The following GABRB1 variants were observed in gnomAD, a reference collection of about 807,000 sequenced individuals.
GABRB1 encodes gamma-aminobutyric acid receptor subunit beta-1.
In GABRB1, 17 loss-of-function variants were observed where a neutral mutation model predicts 51.6. The ratio of observed to expected loss-of-function variants is 0.33; its 90% confidence interval spans 0.23 to 0.49. The LOEUF (loss-of-function observed/expected upper bound fraction) is 0.49, where lower values mean the gene tolerates loss of function less well. Ranked by LOEUF, GABRB1 falls within the 20% of genes least tolerant of loss-of-function variation. GABRB1 has a pLI of 0.99. For missense variants in GABRB1, 410 were observed against 600.6 expected (o/e 0.68, Z 3.32); for synonymous variants, 247 against 218.9 (o/e 1.13, Z -1.14).
intron 4 of GABRB1, among the ~76,000 whole-genome samples, chr4:47,293,415 A>G (rs1413125130): frequency 2.6e-5 from 4 of 152,188 alleles, no homozygotes; most frequent in African/African-American, 9.7e-5. Context: ...CTGGGATTAC[A>G]GGCATGAGCC....
intron 3 of GABRB1, among the ~76,000 whole-genome samples, chr4:47,137,236 A>C (rs1245544353): frequency 6.6e-6 from 1 of 152,138 alleles, no homozygotes; most frequent in African/African-American, 2.4e-5. Flanking sequence ...TCAGAGCTGC[A>C]GTAGAAGAAG....
At chr4:47,058,264 C>G (rs1413749800) in intron 3 of GABRB1, among the ~76,000 whole-genome samples, 1 of 152,152 alleles carries the variant, frequency 6.6e-6, no homozygotes, top group Non-Finnish European at 1.5e-5. Context: ...AATCACTGAC[C>G]TGTAGAAAGA....
At position 47,421,830 on chromosome 4, in the gene GABRB1, A is replaced by G. The variant is rs574144338; in HGVS notation, c.1081-3844A>G. Among the ~76,000 whole-genome samples the G allele has an allele frequency of 1.4e-4, 22 of 152,174 alleles. No individual in the cohort carries two copies. In the South Asian group the frequency reaches 3.8e-3, roughly 26 times the overall value. On this transcript the variant is annotated intron_variant, in intron 8 of 8. Coordinates refer to ENST00000295454, the MANE Select transcript of GABRB1 (RefSeq NM_000812.4). ...CCCTCCCAATATTATGCTTCACTCT[A>G]TATCTCTAAGGAGGTAATGATCTCT... is the stretch of plus-strand genomic sequence containing the variant.
chr4:47,254,369 T>G (rs1485226021), intron 4 of GABRB1, among the ~76,000 whole-genome samples: 3 of 118,744 alleles, frequency 2.5e-5, no homozygotes, highest in African/African-American at 6.7e-5. Context: ...TTGTTTTTTT[T>G]TTTTTTTTTT....
At position 47,184,332 on chromosome 4, in the gene GABRB1, C is replaced by T. The variant is rs919907336; in HGVS notation, c.461+22863C>T. 1.1e-4 allele frequency among the ~76,000 whole-genome samples: 16 copies of T among 152,032 alleles called. 1 individual carries two copies. The highest frequency in any genetic ancestry group is 7.2e-4 in the Admixed American group (11 of 15,226). On this transcript the variant is annotated intron_variant, in intron 4 of 8. Coordinates refer to ENST00000295454, the MANE Select transcript of GABRB1 (RefSeq NM_000812.4). ...ATTACCAGATTACCGAGGACAAAGGCTCTATTTGATACATTTCTCCATTCC... is the reference window on the plus strand; with the variant it reads ...ATTACCAGATTACCGAGGACAAAGGTTCTATTTGATACATTTCTCCATTCC...
intron 4 of GABRB1, among the ~76,000 whole-genome samples, chr4:47,317,043 A>T (rs1243309109): frequency 6.6e-6 from 1 of 151,970 alleles, no homozygotes; most frequent in African/African-American, 2.4e-5. Flanking sequence ...GAGGTCCCTT[A>T]TCAAATTTGT....
chr4:47,332,148 C>T (rs1412951671), intron 5 of GABRB1, among the ~76,000 whole-genome samples: 2 of 152,148 alleles, frequency 1.3e-5, no homozygotes, highest in Non-Finnish European at 2.9e-5. Context: ...GCCAGTTAAA[C>T]CAAATATTCA....
At chr4:47,061,150 T>C (rs6447528) in intron 3 of GABRB1, among the ~76,000 whole-genome samples, 82,185 of 152,014 alleles carry the variant, frequency 0.54, 22,607 homozygotes, top group African/African-American at 0.64. Context: ...TTCTCTTTGG[T>C]TTGGAAATCT....
intron 5 of GABRB1, among the ~76,000 whole-genome samples, chr4:47,361,990 C>A (rs1047276937): frequency 1.7e-3 from 252 of 152,094 alleles, no homozygotes; most frequent in Non-Finnish European, 3.2e-3. Context: ...GATAATTTGC[C>A]TAGTGAGAAA....
intron 4 of GABRB1, among the ~76,000 whole-genome samples, chr4:47,173,701 CTTCGTTTATTTGAGTT>C (rs1164358380): frequency 1.3e-5 from 2 of 152,116 alleles, no homozygotes; most frequent in Non-Finnish European, 2.9e-5. Flanking sequence ...CTCACTCATG[CTTCGTTTATTTGAGTT>C]TTCTACCTGT....
chr4:47,303,819 C>T (rs1724351060), intron 4 of GABRB1, among the ~76,000 whole-genome samples: 1 of 151,774 alleles, frequency 6.6e-6, no homozygotes, highest in South Asian at 2.1e-4. Flanking sequence ...TCTCTAATAC[C>T]CTTTCCCCAC....
chr4:47,278,579 G>A (rs1249826788), intron 4 of GABRB1, among the ~76,000 whole-genome samples: 1 of 150,722 alleles, frequency 6.6e-6, no homozygotes, highest in Non-Finnish European at 1.5e-5. Context: ...GAAGTAAACT[G>A]GGAATTGTTG....
chr4:47,277,657 T>G (rs1723139140), intron 4 of GABRB1, among the ~76,000 whole-genome samples: 1 of 151,886 alleles, frequency 6.6e-6, no homozygotes, highest in Non-Finnish European at 1.5e-5. Flanking sequence ...CAAAAAAAAT[T>G]TTTTAATAAA....
intron 3 of GABRB1, among the ~76,000 whole-genome samples, chr4:47,070,306 G>A (rs1436294932): frequency 1.3e-5 from 2 of 151,714 alleles, no homozygotes; most frequent in Non-Finnish European, 2.9e-5. Context: ...AAAGTGCTGG[G>A]ATTACAGGCG....
intron 8 of GABRB1, among the ~76,000 whole-genome samples, chr4:47,410,868 G>A (rs1259299986): frequency 1.3e-5 from 2 of 152,152 alleles, no homozygotes; most frequent in African/African-American, 4.8e-5. Flanking sequence ...TAAGTCACAA[G>A]AATAAGGGAT....
At chr4:47,192,883 T>C (rs1394718440) in intron 4 of GABRB1, among the ~76,000 whole-genome samples, 1 of 152,198 alleles carries the variant, frequency 6.6e-6, no homozygotes, top group Non-Finnish European at 1.5e-5. Context: ...ATAACAATAA[T>C]ATGTTTGTGA....
At chr4:47,255,128 G>A (rs1722149643) in intron 4 of GABRB1, among the ~76,000 whole-genome samples, 1 of 152,182 alleles carries the variant, frequency 6.6e-6, no homozygotes, top group Non-Finnish European at 1.5e-5. Context: ...TCTTTGAGGT[G>A]AGCCAGACCT....
intron 5 of GABRB1, among the ~76,000 whole-genome samples, chr4:47,345,419 G>C (rs2109991664): frequency 6.6e-6 from 1 of 152,258 alleles, no homozygotes; most frequent in African/African-American, 2.4e-5. Flanking sequence ...GAGGTAAAGA[G>C]AGTTTTTTTG....
chr4:47,178,891 G>A (rs1718815282), intron 4 of GABRB1, among the ~76,000 whole-genome samples: 1 of 151,944 alleles, frequency 6.6e-6, no homozygotes. Context: ...CCAATTTCAT[G>A]TTCTGTTTTT....
Sources: gnomAD v4.1 joint callset for allele counts (sites outside exome capture counted in the v4.1 genomes callset) on GRCh38, gnomAD v4.1.1 for gene constraint, MANE v1.5 for transcripts, NCBI Gene and HGNC (gene_info 2026-07-23, HGNC 2026-07-21) for gene names.